TMC7: variants seen among roughly 807,000 people sequenced by gnomAD.
The protein encoded by TMC7 is transmembrane channel like 7.
In TMC7, 54 loss-of-function variants were observed where a neutral mutation model predicts 82.9. The observed-to-expected ratio is 0.65, with a 90% CI of 0.52 to 0.82. The LOEUF (loss-of-function observed/expected upper bound fraction) is 0.82, where lower values mean the gene tolerates loss of function less well. Among genes scored for constraint, TMC7 ranks in the 40% least tolerant of loss-of-function variants. The pLI, the probability that TMC7 is intolerant of heterozygous loss-of-function variation, is 0.00. For missense variants in TMC7, 820 were observed against 901.2 expected (o/e 0.91, Z 1.15); for synonymous variants, 350 against 337.9 (o/e 1.04, Z -0.39).
At chr16:18,991,587 T>C (rs1355318826) in intron 1 of TMC7, among the ~76,000 whole-genome samples, 2 of 152,210 alleles carry the variant, frequency 1.3e-5, no homozygotes, top group Non-Finnish European at 2.9e-5. Flanking sequence ...ATTTATTTAC[T>C]TATTTTTTTA....
intron 2 of TMC7, among the ~76,000 whole-genome samples, chr16:19,014,219 G>C (rs745415300): frequency 9.2e-5 from 14 of 152,052 alleles, no homozygotes. Context: ...GTGGAGGGCT[G>C]TCTGTGGATT....
chr16:19,032,121 C>A (rs1433115446), intron 6 of TMC7, among the ~76,000 whole-genome samples: 1 of 152,200 alleles, frequency 6.6e-6, no homozygotes, highest in African/African-American at 2.4e-5. Context: ...GGGCCTCTTT[C>A]TTGCCCACTT....
chr16:19,056,032 G>A (rs1169478760), intron 13 of TMC7, among the ~76,000 whole-genome samples: 2 of 151,700 alleles, frequency 1.3e-5, no homozygotes, highest in East Asian at 3.9e-4. Context: ...CCTGTAAACT[G>A]GAAGTTAGGT....
At chr16:19,060,349 C>T (rs1028842549) in intron 15 of TMC7, among the ~76,000 whole-genome samples, 2 of 152,062 alleles carry the variant, frequency 1.3e-5, no homozygotes, top group African/African-American at 2.4e-5. Flanking sequence ...GGACTACAGG[C>T]GTGCATCACC....
At chr16:19,007,427 G>A (rs2039259880) in intron 1 of TMC7, among the ~76,000 whole-genome samples, 1 of 152,136 alleles carries the variant, frequency 6.6e-6, no homozygotes, top group South Asian at 2.1e-4. Context: ...GCTCATTGGA[G>A]GCCACCAACG....
intron 1 of TMC7, among the ~76,000 whole-genome samples, chr16:18,997,020 C>T (rs531877635): frequency 6.6e-6 from 1 of 152,116 alleles, no homozygotes; most frequent in Non-Finnish European, 1.5e-5. Flanking sequence ...TGAAGGGTAG[C>T]GAGAGAGGCC....
intron 13 of TMC7, among the ~76,000 whole-genome samples, chr16:19,052,350 C>G (rs183308165): frequency 1.8e-4 from 27 of 152,216 alleles, no homozygotes; most frequent in Non-Finnish European, 4.0e-4. Context: ...CCATGCCTGG[C>G]TAATTATTTA....
intron 15 of TMC7, 63 bp from the exon 16 acceptor site, chr16:19,061,715 T>A (rs1962019343): frequency 7.1e-7 from 1 of 1,414,078 alleles, no homozygotes; most frequent in Non-Finnish European, 9.9e-7. Context: ...CTCAGTCTGG[T>A]AGGTAATGAT....
chr16:19,016,614 C>A lies in TMC7; in HGVS notation c.460+16C>A. The A allele has an allele frequency of 1.2e-6, 2 of 1,611,526 alleles. No homozygotes were observed. The highest frequency in any genetic ancestry group is 1.7e-6 in the Non-Finnish European group (2 of 1,179,290). On this transcript the variant is annotated intron_variant, in intron 3 of 15. Coordinates refer to ENST00000304381, the MANE Select transcript of TMC7 (RefSeq NM_024847.4). ...AGCATAGAAGGTATGCTGTCCTCAC[C>A]TCTCTGCAGGCTCCTCCGCAGAAGT...
chr16:18,993,260 C>T (rs1290310130), intron 1 of TMC7, among the ~76,000 whole-genome samples: 1 of 152,126 alleles, frequency 6.6e-6, no homozygotes, highest in African/African-American at 2.4e-5. Context: ...ATCATCTATC[C>T]ACTCCAAGAG....
chr16:19,037,408 GA>G (rs1960803289), intron 7 of TMC7, among the ~76,000 whole-genome samples: 37 of 122,022 alleles, frequency 3.0e-4, no homozygotes, highest in Non-Finnish European at 5.0e-4. Context: ...AAAAAAGAAA[GA>G]AAAAAAGTAG....
chr16:19,034,974 C>T (rs58376392), intron 6 of TMC7, among the ~76,000 whole-genome samples: 1,997 of 152,176 alleles, frequency 0.013, 37 homozygotes, highest in African/African-American at 0.043. Flanking sequence ...CATATGCACT[C>T]GTATATTCAT....
intron 11 of TMC7, among the ~76,000 whole-genome samples, chr16:19,046,313 A>T (rs115872032): frequency 0.023 from 3,462 of 152,290 alleles, 129 homozygotes; most frequent in African/African-American, 0.077. Context: ...GGATAGTAGT[A>T]GTACCCACCC....
intron 1 of TMC7, among the ~76,000 whole-genome samples, chr16:18,991,590 T>C (rs2038952366): frequency 6.6e-6 from 1 of 152,132 alleles, no homozygotes; most frequent in Non-Finnish European, 1.5e-5. Flanking sequence ...TATTTACTTA[T>C]TTTTTTAAAT....
At chr16:19,048,126 G>A (rs1961371235) in intron 12 of TMC7, among the ~76,000 whole-genome samples, 1 of 150,494 alleles carries the variant, frequency 6.6e-6, no homozygotes, top group Non-Finnish European at 1.5e-5. Context: ...TTATTTGTTT[G>A]GTTTTTTTGA....
At chr16:19,024,613 T>C (rs1960137002) in intron 5 of TMC7, among the ~76,000 whole-genome samples, 1 of 152,052 alleles carries the variant, frequency 6.6e-6, no homozygotes, top group Non-Finnish European at 1.5e-5. Context: ...AGTTAGAGTG[T>C]AGTGGTGCAA....
At chr16:19,000,254 C>T (rs12443995) in intron 1 of TMC7, among the ~76,000 whole-genome samples, 68,690 of 151,614 alleles carry the variant, frequency 0.45, 18,704 homozygotes, top group East Asian at 0.77. Context: ...TCATTTGAGG[C>T]CAAGAGTTCG....
At chr16:19,023,916 C>A (rs1960104057) in intron 5 of TMC7, among the ~76,000 whole-genome samples, 1 of 152,186 alleles carries the variant, frequency 6.6e-6, no homozygotes, top group African/African-American at 2.4e-5. Context: ...GCTCTTCTTT[C>A]CAGAAATTAC....
chr16:19,028,577 T>C (rs1253155622), intron 5 of TMC7, among the ~76,000 whole-genome samples: 1 of 152,130 alleles, frequency 6.6e-6, no homozygotes, highest in African/African-American at 2.4e-5. Flanking sequence ...GTAAATCAAT[T>C]TGAGGAATTT....
Sources: gnomAD v4.1 joint callset for allele counts (sites outside exome capture counted in the v4.1 genomes callset) on GRCh38, gnomAD v4.1.1 for gene constraint, MANE v1.5 for transcripts, NCBI Gene and HGNC (gene_info 2026-07-23, HGNC 2026-07-21) for gene names.